Variants in CTTN observed in about 807,000 individuals in gnomAD.
The protein encoded by CTTN is cortactin.
Under a neutral mutation model 84.0 loss-of-function variants are expected in CTTN, and 28 were observed. The ratio of observed to expected loss-of-function variants is 0.33; its 90% confidence interval spans 0.25 to 0.46. The LOEUF is 0.46. Ranked by LOEUF, CTTN falls within the 20% of genes least tolerant of loss-of-function variation. The pLI is 1.00. For synonymous variants in CTTN, 301 were observed against 288.8 expected, an observed-to-expected ratio of 1.04 and a Z score of -0.43; for missense variants, 641 against 723.8, an observed-to-expected ratio of 0.89 and a Z score of 1.31.
At chr11:70,398,752 C>CG (rs2057939184) in intron 1 of CTTN, 138 bp downstream of exon 1, 1 of 151,480 alleles carries the variant, frequency 6.6e-6, no homozygotes. Flanking sequence ...TTTCGGGGGC[C>CG]GGGGCAGAGT....
intron 2 of CTTN, among the ~76,000 whole-genome samples, chr11:70,406,961 A>G (rs572834130): frequency 1.3e-5 from 2 of 152,348 alleles, no homozygotes; most frequent in South Asian, 2.1e-4. Flanking sequence ...CTATCATCAT[A>G]TGATTGAACA....
At chr11:70,433,453 C>A (rs922089428) in intron 16 of CTTN, among the ~76,000 whole-genome samples, 175 bp downstream of exon 16, 1 of 152,102 alleles carries the variant, frequency 6.6e-6, no homozygotes, top group Non-Finnish European at 1.5e-5. Flanking sequence ...TTTGGGGCAT[C>A]GGCTCCTGTG....
Position 70,407,404 on chromosome 11 carries a change from G to C in CTTN, c.87+20G>C. 1 of 1,612,172 alleles carries C rather than the reference G, an allele frequency of 6.2e-7. No individual in the cohort carries two copies. The highest frequency in any genetic ancestry group is 2.2e-5 in the East Asian group (1 of 44,868). On this transcript the variant is annotated intron_variant, in intron 3 of 17. Coordinates refer to ENST00000301843, the MANE Select transcript of CTTN (RefSeq NM_005231.4). ...TTTGTGGTAGGAGCCGCCAGCCTTT[G>C]CTTTCCTCTTTCATGAAGTGGAAGT...
At chr11:70,403,941 T>C (rs573907729) in intron 1 of CTTN, among the ~76,000 whole-genome samples, 1 of 152,282 alleles carries the variant, frequency 6.6e-6, no homozygotes, top group African/African-American at 2.4e-5. Context: ...GGTGCAGTGG[T>C]GTGATCATGG....
intron 4 of CTTN, 99 bp downstream of exon 4, chr11:70,407,690 G>T (rs1319861098): frequency 2.8e-6 from 3 of 1,058,266 alleles, no homozygotes. Flanking sequence ...AGCCCGTGTG[G>T]AAACTGCATT....
chr11:70,429,917 G>C lies in CTTN; in HGVS notation c.1176+718G>C, dbSNP rs145873130. ...GCAGCTGGGGCATCTGCAGTGTGGG[G>C]CAGGCCCAGCCTGTCTGGAAGCCTG... On this transcript the variant is annotated intron_variant, in intron 14 of 17. Coordinates refer to ENST00000301843, the MANE Select transcript of CTTN (RefSeq NM_005231.4). Among the ~76,000 whole-genome samples, 4 of 152,240 alleles carry C rather than the reference G, an allele frequency of 2.6e-5. No homozygotes were observed. In the East Asian group the frequency reaches 7.8e-4, roughly 30 times the overall value.
rs373399027 is a variant in CTTN at position 70,416,934 on chromosome 11, CACTT to C, written c.458-78_458-75del. 2.8e-4 allele frequency: 271 copies of C among 984,538 alleles called. 2 individuals are homozygous for C. In the African/African-American group the frequency reaches 3.5e-3, roughly 13 times the overall value. 61.0% of individuals were successfully genotyped at this position (984,538 alleles called of 1,614,324 possible). A position where few individuals can be genotyped will look rare whatever the true frequency, so the allele number is the denominator to read the frequency against. Reference sequence around the variant, plus strand: ...GTGTTTGTGAGTTGTAACCCCTACACACTTTTGCTTAGTTTAACAAAAGGAACAG... The same window carrying C: ...GTGTTTGTGAGTTGTAACCCCTACACTTGCTTAGTTTAACAAAAGGAACAG... On this transcript the variant is annotated intron_variant, in intron 7 of 17. Transcript: ENST00000301843.
intron 11 of CTTN, chr11:70,421,950 T>C (rs561263747): frequency 4.2e-6 from 1 of 238,892 alleles, no homozygotes; most frequent in African/African-American, 2.2e-5. Context: ...AGTCAGGCCT[T>C]CCAGATGAGG....
At chr11:70,428,964 G>A in intron 13 of CTTN, 87 bp from the exon 14 acceptor site, 3 of 1,499,424 alleles carry the variant, frequency 2.0e-6, no homozygotes, top group Non-Finnish European at 2.8e-6. Context: ...GGTTCCTGGG[G>A]AGGTCACTCT....
chr11:70,429,099 A>T lies in CTTN; in HGVS notation c.1076A>T (p.Lys359Met). Residue 359 changes from lysine to methionine, a missense_variant, in exon 14 of 18, where the codon AAG (lysine) becomes ATG (methionine). Physicochemically the swap from Lys to Met is moderately conservative, Grantham distance 95. This residue lies in a region of CTTN where 289 missense variants were observed against 273.1 expected (regional missense o/e 1.06). Transcript: ENST00000301843. Reference sequence around the variant, plus strand: ...AGAGCTAACTTTGAAAACCTCGCTAAGGAGAAAGAGCAGGAGGACAGGCGG... The same window carrying T: ...AGAGCTAACTTTGAAAACCTCGCTATGGAGAAAGAGCAGGAGGACAGGCGG... Reference protein sequence around the residue: ...NIRANFENLAKEKEQEDRRKA... With the variant: ...NIRANFENLAMEKEQEDRRKA... The T allele has an allele frequency of 6.2e-7, 1 of 1,614,216 alleles. No homozygotes were observed. The highest frequency in any genetic ancestry group is 8.5e-7 in the Non-Finnish European group (1 of 1,180,042).
intron 4 of CTTN, chr11:70,407,856 T>G (rs928862625): frequency 1.1e-5 from 5 of 451,678 alleles, no homozygotes; most frequent in African/African-American, 9.9e-5. Flanking sequence ...TATTTATAAT[T>G]TTAGAGTGTC....
chr11:70,422,908 C>T, intron 11 of CTTN, 32 bp from the exon 12 acceptor site: 3 of 1,614,084 alleles, frequency 1.9e-6, no homozygotes, highest in Non-Finnish European at 1.7e-6. Context: ...GCCTCCACCT[C>T]AGAGTAAGTG....
At chr11:70,423,730 G>A (rs1043330952) in intron 12 of CTTN, among the ~76,000 whole-genome samples, 2 of 152,212 alleles carry the variant, frequency 1.3e-5, no homozygotes, top group African/African-American at 2.4e-5. Context: ...GGTGGGGAGC[G>A]GGGATAGAGC....
intron 1 of CTTN, among the ~76,000 whole-genome samples, chr11:70,399,281 G>A (rs2057947709): frequency 6.6e-6 from 1 of 150,498 alleles, no homozygotes; most frequent in Non-Finnish European, 1.5e-5. Context: ...TCCGAGGGAA[G>A]GGAATTGGGG....
rs1255408016 is a variant in CTTN, at chr11:70,425,540, AT to A, written c.1027+140del. 5.8e-5 allele frequency: 39 copies of A among 668,938 alleles called. No individual in the cohort carries two copies. The African/African-American group carries it at 5.9e-4, about 10-fold the overall frequency. 41.4% of individuals were successfully genotyped at this position (668,938 alleles called of 1,614,324 possible). A position where few individuals can be genotyped will look rare whatever the true frequency, so the allele number is the denominator to read the frequency against. ...TTGCTGCGTATTTTTGGGAAAGAAA[AT>A]GATCGTTCTGATGAAGATCTTGTTT... is the stretch of plus-strand genomic sequence containing the variant. On this transcript the variant is annotated intron_variant, in intron 13 of 17. Coordinates refer to ENST00000301843, the MANE Select transcript of CTTN (RefSeq NM_005231.4).
rs769121260 is a variant in CTTN, at chr11:70,409,866, A to G, written c.197A>G (p.His66Arg). 2 of 1,613,962 alleles carry G rather than the reference A, an allele frequency of 1.2e-6. No individual in the cohort carries two copies. Among genetic ancestry groups the G allele is most frequent in the East Asian group, 2.2e-5 (1 of 44,896 alleles). ...CTGAGGGAGAATGTCTTTCAAGAGC[A>G]TCAGACCCTTAAGGAGAAGGAACTT... ...HKLRENVFQE[H>R]QTLKEKELET... is the part of the protein sequence containing the mutation. Residue 66 changes from histidine (H) to arginine (R), a missense_variant, in exon 5 of 18, where the codon CAT (histidine) becomes CGT (arginine). Physicochemically the swap from His to Arg is conservative, Grantham distance 29. Coordinates refer to ENST00000301843, the MANE Select transcript of CTTN (RefSeq NM_005231.4).
intron 4 of CTTN, 55 bp downstream of exon 4, chr11:70,407,646 G>A (rs1386099584): frequency 1.3e-6 from 2 of 1,538,776 alleles, no homozygotes; most frequent in East Asian, 2.2e-5. Context: ...GGAGCCCCAG[G>A]TGCAACAGGG....
intron 1 of CTTN, among the ~76,000 whole-genome samples, chr11:70,400,895 C>A (rs116431095): frequency 0.012 from 1,866 of 152,298 alleles, 38 homozygotes; most frequent in African/African-American, 0.042. Context: ...GCGGGGTTTC[C>A]CTTGAGTAAG....
chr11:70,436,142 A>G lies in CTTN; in HGVS notation c.*980A>G, dbSNP rs1342703334. ...CAATGGGGGTGTAGTATTTTTGCCA[A>G]AATATCATGTTCAATTTCAGTAGTT... On this transcript the variant is annotated 3_prime_UTR_variant, in exon 18 of 18. Coordinates refer to ENST00000301843, the MANE Select transcript of CTTN (RefSeq NM_005231.4). 49 of 1,442,536 alleles carry G rather than the reference A, an allele frequency of 3.4e-5. No individual in the cohort carries two copies. Among genetic ancestry groups the G allele is most frequent in the Non-Finnish European group, 4.1e-5 (45 of 1,104,124 alleles). 89.4% of individuals were successfully genotyped at this position (1,442,536 alleles called of 1,614,324 possible).
Sources: allele counts gnomAD v4.1 joint callset (sites outside exome capture counted in the v4.1 genomes callset), GRCh38; gene constraint gnomAD v4.1.1; regional missense constraint gnomAD v4.1.1; transcripts MANE v1.5; gene names NCBI Gene and HGNC (gene_info 2026-07-23, HGNC 2026-07-21).